FAM168B: variants seen among roughly 807,000 people sequenced by gnomAD.
The protein encoded by FAM168B is myelin-associated neurite-outgrowth inhibitor.
A neutral mutation model predicts 21.8 loss-of-function variants in FAM168B; 19 were observed. The ratio of observed to expected loss-of-function variants is 0.87; its 90% CI spans 0.61 to 1.28. FAM168B has a LOEUF of 1.28. FAM168B is among the 50% of genes most tolerant of loss of function. The pLI, the probability that FAM168B is intolerant of heterozygous loss-of-function variation, is 0.00. For missense variants in FAM168B, 233 were observed against 263.1 expected (o/e 0.89, Z 0.79); for synonymous variants, 126 against 104.8 (o/e 1.20, Z -1.24).
intron 3 of FAM168B, among the ~76,000 whole-genome samples, chr2:131,057,611 A>G (rs1684593938): frequency 6.6e-6 from 1 of 152,176 alleles, no homozygotes; most frequent in Admixed American, 6.5e-5. Flanking sequence ...TTTTGTGCAT[A>G]AATTATACCT....
At chr2:131,090,804 C>T (rs1693980928) in intron 1 of FAM168B, among the ~76,000 whole-genome samples, 1 of 152,160 alleles carries the variant, frequency 6.6e-6, no homozygotes, top group South Asian at 2.1e-4. Flanking sequence ...TCTCGGCTCA[C>T]TGCAAGCTCC....
At chr2:131,076,018 C>A (rs1234174511) in intron 2 of FAM168B, among the ~76,000 whole-genome samples, 2 of 152,170 alleles carry the variant, frequency 1.3e-5, no homozygotes, top group African/African-American at 4.8e-5. Flanking sequence ...CTGACCCAAG[C>A]CGCAGCGTGG....
At position 131,073,360 on chromosome 2, in the gene FAM168B, G is replaced by A. The variant is rs571592067; in HGVS notation, c.71-1422C>T. Among the ~76,000 whole-genome samples, 16 of 152,150 alleles carry A rather than the reference G, an allele frequency of 1.1e-4. No individual in the cohort carries two copies. In the South Asian group the frequency reaches 1.5e-3, roughly 14 times the overall value. On this transcript the variant is annotated intron_variant, in intron 2 of 6. Transcript: ENST00000389915. ...CACCTGCCTCGGCCTCCCAAAGTGC[G>A]GGTATTACCGGCATGAGTTACCACG... is the stretch of plus-strand genomic sequence containing the variant.
chr2:131,058,878 C>A (rs1048736539), intron 3 of FAM168B, among the ~76,000 whole-genome samples: 12 of 152,104 alleles, frequency 7.9e-5, no homozygotes, highest in African/African-American at 2.7e-4. Flanking sequence ...TACGCCACAA[C>A]GAGGTTGTAT....
At position 131,084,147 on chromosome 2, in the gene FAM168B, A is replaced by C. The variant is rs189021261; in HGVS notation, c.-11-1490T>G. 1.9e-4 allele frequency among the ~76,000 whole-genome samples: 29 copies of C among 150,984 alleles called. No individual in the cohort carries two copies. The South Asian group carries it at 5.5e-3, about 28-fold the overall frequency. Reference sequence around the variant, plus strand: ...CATCTCTTGACCTCGTGATCCGCCCACCTCAGCCTCTCAAAGTGCTGGGAC... The same window carrying C: ...CATCTCTTGACCTCGTGATCCGCCCCCCTCAGCCTCTCAAAGTGCTGGGAC... On this transcript the variant is annotated intron_variant, in intron 1 of 6. Transcript: ENST00000389915.
chr2:131,090,561 T>C (rs988692880), intron 1 of FAM168B, among the ~76,000 whole-genome samples: 7 of 152,238 alleles, frequency 4.6e-5, no homozygotes, highest in South Asian at 2.1e-4. Flanking sequence ...TTCTCAGTAA[T>C]GTCTGGCAAC....
chr2:131,048,163 T>G lies in FAM168B; in HGVS notation c.*4302A>C, dbSNP rs1294508053. The G allele has an allele frequency of 2.4e-6, 3 of 1,249,938 alleles. No homozygotes were observed. In the African/African-American group the frequency reaches 4.7e-5, roughly 20 times the overall value. The allele number at this position is 1,249,938 out of a possible 1,614,324, so 77.4% of individuals were successfully genotyped here. On this transcript the variant is annotated 3_prime_UTR_variant, in exon 7 of 7. Transcript: ENST00000389915. ...GAGAGAACGGTGTAAAAAACGGTAT[T>G]TAAAAATCATTTTTAAAAAAACAAA...
intron 4 of FAM168B, 33 bp downstream of exon 4, chr2:131,055,520 C>A (rs1161614053): frequency 6.9e-6 from 11 of 1,598,276 alleles, no homozygotes; most frequent in Non-Finnish European, 9.4e-6. Context: ...TGGTATCACC[C>A]CTTCCCACAC....
chr2:131,077,212 TAAAA>T (rs34175924), intron 2 of FAM168B, among the ~76,000 whole-genome samples: 3 of 130,278 alleles, frequency 2.3e-5, no homozygotes, highest in Non-Finnish European at 5.0e-5. Context: ...CTATTACATT[TAAAA>T]AAAAAAAAAA....
At chr2:131,088,138 C>A (rs112901608) in intron 1 of FAM168B, among the ~76,000 whole-genome samples, 2 of 152,130 alleles carry the variant, frequency 1.3e-5, no homozygotes, top group African/African-American at 2.4e-5. Flanking sequence ...CCCAGCTACT[C>A]GGGAGGCTAA....
At chr2:131,077,337 G>A (rs765549984) in intron 2 of FAM168B, among the ~76,000 whole-genome samples, 4 of 152,158 alleles carry the variant, frequency 2.6e-5, no homozygotes, top group Non-Finnish European at 5.9e-5. Context: ...TGTTCAGCCA[G>A]GAGAAGTATG....
At chr2:131,083,171 T>C (rs1573814113) in intron 1 of FAM168B, among the ~76,000 whole-genome samples, 1 of 151,992 alleles carries the variant, frequency 6.6e-6, no homozygotes, top group South Asian at 2.1e-4. Context: ...CTGGCCAACA[T>C]GGTCAAACTC....
chr2:131,067,373 T>C (rs1692617461), intron 3 of FAM168B, among the ~76,000 whole-genome samples: 1 of 152,196 alleles, frequency 6.6e-6, no homozygotes, highest in Non-Finnish European at 1.5e-5. Flanking sequence ...AAAAGTGCTC[T>C]GGAAGTCAGA....
At chr2:131,065,248 G>A (rs544424679) in intron 3 of FAM168B, among the ~76,000 whole-genome samples, 1 of 152,294 alleles carries the variant, frequency 6.6e-6, no homozygotes, top group East Asian at 1.9e-4. Context: ...CCCATGGGGA[G>A]TGAAATGTGG....
At chr2:131,057,756 A>G (rs1352366856) in intron 3 of FAM168B, among the ~76,000 whole-genome samples, 1 of 152,224 alleles carries the variant, frequency 6.6e-6, no homozygotes, top group East Asian at 1.9e-4. Context: ...GAAAAATAGT[A>G]ATAATAATTA....
At position 131,055,610 on chromosome 2, in the gene FAM168B, G is replaced by A; in HGVS notation, c.240C>T (p.Tyr80=). 2 of 1,611,646 alleles carry A rather than the reference G, an allele frequency of 1.2e-6. No homozygotes were observed. The highest frequency in any genetic ancestry group is 1.7e-6 in the Non-Finnish European group (2 of 1,178,764). ...TTCGCACAGGGTACACGGCAGTCTG[G>A]TAGGGGTTCGGGGAGGAGGAGTACG... The part of the protein sequence containing the change: ...VPPYSSSPNP[Y]QTAVYPVRSA... Residue 80 remains tyrosine, a synonymous_variant, in exon 4 of 7, where the codon TAC becomes TAT. Coordinates refer to ENST00000389915, the MANE Select transcript of FAM168B (RefSeq NM_001009993.4).
intron 1 of FAM168B, among the ~76,000 whole-genome samples, chr2:131,083,662 A>T (rs1409248476): frequency 6.6e-6 from 1 of 152,276 alleles, no homozygotes; most frequent in Non-Finnish European, 1.5e-5. Context: ...AGAAATGTTT[A>T]AAAACAGAAT....
intron 5 of FAM168B, among the ~76,000 whole-genome samples, chr2:131,054,397 GCCCT>G (rs1691884416): frequency 6.6e-6 from 1 of 152,134 alleles, no homozygotes; most frequent in African/African-American, 2.4e-5. Flanking sequence ...GGTGCCTGCT[GCCCT>G]CCCTCCCTGT....
At chr2:131,065,342 G>A (rs1692499598) in intron 3 of FAM168B, among the ~76,000 whole-genome samples, 2 of 152,108 alleles carry the variant, frequency 1.3e-5, no homozygotes, top group South Asian at 4.2e-4. Context: ...CTCTATGAAT[G>A]TAAACCTTTA....
Sources: allele counts gnomAD v4.1 joint callset (sites outside exome capture counted in the v4.1 genomes callset), GRCh38; gene constraint gnomAD v4.1.1; transcripts MANE v1.5; gene names NCBI Gene and HGNC (gene_info 2026-07-23, HGNC 2026-07-21).